Variants in DOCK2 observed in about 807,000 individuals in gnomAD.
DOCK2 encodes dedicator of cytokinesis 2, also known as dedicator of cytokinesis protein 2.
Under a neutral mutation model 248.9 loss-of-function variants are expected in DOCK2, and 87 were observed. The observed-to-expected ratio is 0.35, with a 90% CI of 0.29 to 0.42. The LOEUF is 0.42. Among genes scored for constraint, DOCK2 ranks in the 10% least tolerant of loss-of-function variants. The pLI is 1.00. For synonymous variants in DOCK2, 805 were observed against 821.6 expected (o/e 0.98, Z 0.35); for missense variants, 1,747 against 2,300.2 (o/e 0.76, Z 4.92).
chr5:170,030,613 T>G (rs1756099364), intron 34 of DOCK2, among the ~76,000 whole-genome samples: 1 of 152,236 alleles, frequency 6.6e-6, no homozygotes, highest in East Asian at 1.9e-4. Flanking sequence ...AAATCCAAAA[T>G]CCAGAATGCT....
At chr5:169,969,128 A>T (rs1777407171) in intron 27 of DOCK2, among the ~76,000 whole-genome samples, 1 of 151,796 alleles carries the variant, frequency 6.6e-6, no homozygotes, top group South Asian at 2.1e-4. Context: ...CACCCTGGGT[A>T]TCAAAGTGAG....
chr5:170,071,016 C>G (rs1757661916), intron 46 of DOCK2, among the ~76,000 whole-genome samples: 1 of 152,170 alleles, frequency 6.6e-6, no homozygotes, highest in Non-Finnish European at 1.5e-5. Flanking sequence ...TCCTTAGCAC[C>G]ACCCGCTGCT....
At chr5:169,720,315 C>G (rs931797611) in intron 22 of DOCK2, among the ~76,000 whole-genome samples, 2 of 152,118 alleles carry the variant, frequency 1.3e-5, no homozygotes, top group African/African-American at 4.8e-5. Context: ...ATATCTTATC[C>G]CATCTTCCAA....
At chr5:169,922,302 C>G (rs113500459) in intron 27 of DOCK2, among the ~76,000 whole-genome samples, 6,281 of 152,228 alleles carry the variant, frequency 0.041, 181 homozygotes, top group South Asian at 0.12. Context: ...AAGATGAGCC[C>G]TAATTTATGC....
intron 22 of DOCK2, among the ~76,000 whole-genome samples, chr5:169,724,474 A>C (rs1005190723): frequency 6.6e-6 from 1 of 151,592 alleles, no homozygotes; most frequent in Non-Finnish European, 1.5e-5. Flanking sequence ...GAAAAATTGC[A>C]CTCTGTGTCC....
At chr5:169,840,933 T>C in intron 27 of DOCK2, 81 bp downstream of exon 27, 3 of 1,430,826 alleles carry the variant, frequency 2.1e-6, no homozygotes, top group Non-Finnish European at 2.9e-6. Flanking sequence ...GCAGATCACA[T>C]TGAACTCCCA....
intron 22 of DOCK2, among the ~76,000 whole-genome samples, chr5:169,726,045 T>C (rs1762455678): frequency 6.6e-6 from 1 of 152,200 alleles, no homozygotes. Context: ...CTGGGTCAAA[T>C]GGTGTTTCTG....
chr5:170,020,699 A>T (rs1755689860), intron 33 of DOCK2, among the ~76,000 whole-genome samples: 1 of 152,258 alleles, frequency 6.6e-6, no homozygotes, highest in African/African-American at 2.4e-5. Context: ...GGTCACTGCG[A>T]TTCCTAAACC....
At chr5:169,923,370 T>TA (rs1293756567) in intron 27 of DOCK2, among the ~76,000 whole-genome samples, 2 of 152,238 alleles carry the variant, frequency 1.3e-5, no homozygotes, top group African/African-American at 2.4e-5. Flanking sequence ...TGAAGGGGCA[T>TA]ACGCAGAAAA....
chr5:169,828,376 A>G (rs944512168), intron 26 of DOCK2, among the ~76,000 whole-genome samples: 1 of 152,190 alleles, frequency 6.6e-6, no homozygotes, highest in Non-Finnish European at 1.5e-5. Flanking sequence ...TGGCTGAGGC[A>G]TAGGCTGCTG....
intron 27 of DOCK2, among the ~76,000 whole-genome samples, chr5:169,933,311 C>T (rs955876344): frequency 4.6e-5 from 7 of 152,302 alleles, no homozygotes; most frequent in African/African-American, 1.4e-4. Flanking sequence ...ATTGCAATCT[C>T]CTGGGGCTAA....
chr5:170,039,034 G>A (rs1255537378), intron 36 of DOCK2, among the ~76,000 whole-genome samples: 1 of 152,246 alleles, frequency 6.6e-6, no homozygotes, highest in Admixed American at 6.5e-5. Flanking sequence ...CGGGAGGAAA[G>A]TGGAAAGGCT....
At chr5:169,722,121 T>C (rs144234768) in intron 22 of DOCK2, among the ~76,000 whole-genome samples, 26 of 152,260 alleles carry the variant, frequency 1.7e-4, no homozygotes, top group African/African-American at 6.3e-4. Context: ...CTGGGAGGTA[T>C]TGAGCATTGT....
At chr5:170,011,101 T>TA (rs1276631495) in intron 32 of DOCK2, among the ~76,000 whole-genome samples, 1 of 152,170 alleles carries the variant, frequency 6.6e-6, no homozygotes, top group Non-Finnish European at 1.5e-5. Context: ...TGAGGACCAA[T>TA]AAAAAAATTC....
intron 26 of DOCK2, among the ~76,000 whole-genome samples, chr5:169,836,653 CA>C (rs1769597647): frequency 6.6e-6 from 1 of 151,966 alleles, no homozygotes; most frequent in African/African-American, 2.4e-5. Context: ...AAAAAATAAA[CA>C]CAATAAAAAC....
At chr5:170,070,468 G>T (rs977735954) in intron 46 of DOCK2, among the ~76,000 whole-genome samples, 5 of 152,206 alleles carry the variant, frequency 3.3e-5, no homozygotes, top group South Asian at 2.1e-4. Flanking sequence ...AATGCATGTT[G>T]TGTGTCTGTC....
chr5:169,939,567 T>A (rs1488799785), intron 27 of DOCK2, among the ~76,000 whole-genome samples: 1 of 152,220 alleles, frequency 6.6e-6, no homozygotes, highest in Non-Finnish European at 1.5e-5. Context: ...TGTGCTGTAC[T>A]TTTATATGAC....
At chr5:169,654,549 C>T (rs562507776) in intron 2 of DOCK2, 63 bp downstream of exon 2, 2 of 1,564,312 alleles carry the variant, frequency 1.3e-6, no homozygotes, top group East Asian at 2.2e-5. Context: ...ATAGTACACC[C>T]AGGCCCCTCA....
At chr5:169,773,532 A>G (rs960223149) in intron 25 of DOCK2, among the ~76,000 whole-genome samples, 1 of 152,146 alleles carries the variant, frequency 6.6e-6, no homozygotes, top group South Asian at 2.1e-4. Context: ...TTCAAACTAT[A>G]TTCCATGGGA....
Sources: gnomAD v4.1 joint callset for allele counts (sites outside exome capture counted in the v4.1 genomes callset) on GRCh38, gnomAD v4.1.1 for gene constraint, MANE v1.5 for transcripts, NCBI Gene and HGNC (gene_info 2026-07-23, HGNC 2026-07-21) for gene names.